The following SAMD3 variants were observed in gnomAD, a reference collection of about 807,000 sequenced individuals.
The protein encoded by SAMD3 is sterile alpha motif domain-containing protein 3.
Under a neutral mutation model 58.5 loss-of-function variants are expected in SAMD3, and 63 were observed. The observed-to-expected ratio is 1.08, with a 90% CI of 0.88 to 1.33. The LOEUF (loss-of-function observed/expected upper bound fraction) is 1.33, where lower values mean the gene tolerates loss of function less well. Among genes scored for constraint, SAMD3 ranks in the 40% most tolerant of loss-of-function variants. The pLI, the probability that SAMD3 is intolerant of heterozygous loss-of-function variation, is 0.00. For synonymous variants in SAMD3, 220 were observed against 210.3 expected (o/e 1.05, Z -0.40); for missense variants, 604 against 608.4 (o/e 0.99, Z 0.08).
At chr6:130,282,463 G>T (rs1775014175) in intron 2 of SAMD3, among the ~76,000 whole-genome samples, 1 of 152,178 alleles carries the variant, frequency 6.6e-6, no homozygotes, top group African/African-American at 2.4e-5. Context: ...ATGAGCTGTT[G>T]TGACTGCCCT....
intron 2 of SAMD3, among the ~76,000 whole-genome samples, chr6:130,287,649 A>G (rs1345805503): frequency 6.6e-6 from 1 of 152,142 alleles, no homozygotes; most frequent in Non-Finnish European, 1.5e-5. Context: ...TGCTGCAGCT[A>G]AGAGTTACAG....
chr6:130,196,922 G>A (rs1459079012), intron 5 of SAMD3, among the ~76,000 whole-genome samples: 1 of 152,184 alleles, frequency 6.6e-6, no homozygotes, highest in Non-Finnish European at 1.5e-5. Context: ...CCTCTCTACA[G>A]TCTGATAACA....
At chr6:130,322,820 G>C (rs943972540) in intron 1 of SAMD3, among the ~76,000 whole-genome samples, 1 of 152,184 alleles carries the variant, frequency 6.6e-6, no homozygotes, top group Non-Finnish European at 1.5e-5. Flanking sequence ...GAGTTTACTT[G>C]AATTAACAAT....
chr6:130,183,186 A>G (rs1435720702), intron 7 of SAMD3: 1 of 355,590 alleles, frequency 2.8e-6, no homozygotes, highest in East Asian at 7.5e-5. Context: ...CCTCAAATTA[A>G]TTCAATCTGA....
chr6:130,313,522 G>A (rs185795508), intron 1 of SAMD3, among the ~76,000 whole-genome samples: 1 of 152,320 alleles, frequency 6.6e-6, no homozygotes, highest in African/African-American at 2.4e-5. Flanking sequence ...TAAGCAATCT[G>A]GGAGACAAAA....
intron 2 of SAMD3, among the ~76,000 whole-genome samples, chr6:130,274,945 C>G (rs895257946): frequency 3.7e-4 from 56 of 152,094 alleles, no homozygotes; most frequent in African/African-American, 1.3e-3. Flanking sequence ...TCAGGTTAGT[C>G]CTTTTTTTGG....
intron 2 of SAMD3, among the ~76,000 whole-genome samples, chr6:130,233,794 T>TTAATTA (rs1349555581): frequency 6.6e-6 from 1 of 152,246 alleles, no homozygotes; most frequent in Non-Finnish European, 1.5e-5. Flanking sequence ...ATTAATCTTA[T>TTAATTA]GACACATTCT....
At chr6:130,154,778 G>A (rs751946791) in intron 9 of SAMD3, 47 bp downstream of exon 9, 14 of 873,414 alleles carry the variant, frequency 1.6e-5, no homozygotes, top group South Asian at 7.8e-5. Context: ...GTGTGTGTGT[G>A]TATATACATA....
intron 9 of SAMD3, among the ~76,000 whole-genome samples, chr6:130,152,312 A>AC (rs1789281648): frequency 6.6e-6 from 1 of 152,174 alleles, no homozygotes; most frequent in Non-Finnish European, 1.5e-5. Flanking sequence ...TATAAATTGG[A>AC]AATCCCAGCT....
At chr6:130,233,531 C>T (rs148807132) in intron 2 of SAMD3, among the ~76,000 whole-genome samples, 3 of 152,116 alleles carry the variant, frequency 2.0e-5, no homozygotes, top group Admixed American at 6.6e-5. Flanking sequence ...TCAAGGATCC[C>T]GAGCTGAACA....
In SAMD3 at chr6:130,196,390, A is replaced by G. The variant is rs1297027451; in HGVS notation, c.384-11767T>C. ...CCCAGACTTCAATCTGGCCTCCCACATTATTCCTGATACCACACCTGACCC... is the reference window on the plus strand; with the variant it reads ...CCCAGACTTCAATCTGGCCTCCCACGTTATTCCTGATACCACACCTGACCC... On this transcript the variant is annotated intron_variant, in intron 5 of 11. Coordinates refer to ENST00000439090, the MANE Select transcript of SAMD3 (RefSeq NM_001017373.4). Among the ~76,000 whole-genome samples, 3 of 152,186 alleles carry G rather than the reference A, an allele frequency of 2.0e-5. No individual in the cohort carries two copies. In the South Asian group the frequency reaches 6.2e-4, roughly 32 times the overall value.
intron 1 of SAMD3, among the ~76,000 whole-genome samples, chr6:130,353,056 T>A (rs1001569244): frequency 2.0e-5 from 3 of 152,230 alleles, no homozygotes; most frequent in African/African-American, 7.2e-5. Context: ...CTTGTTCACA[T>A]CTATTTCCTT....
Position 130,175,835 on chromosome 6 carries a change from T to C in SAMD3, c.822+6A>G. The C allele has an allele frequency of 1.9e-6, 3 of 1,591,470 alleles. No individual in the cohort carries two copies. Among genetic ancestry groups the C allele is most frequent in the Non-Finnish European group, 2.6e-6 (3 of 1,161,500 alleles). On this transcript the variant is annotated splice_donor_region_variant and intron_variant, in intron 8 of 11. Coordinates refer to ENST00000439090, the MANE Select transcript of SAMD3 (RefSeq NM_001017373.4). ...GTCATCAGAACATTTAGGAATTCAA[T>C]CTTACTTTTATCTGGACAAGTTTAA... is the stretch of plus-strand genomic sequence containing the variant.
At chr6:130,307,665 T>C (rs942569966) in intron 2 of SAMD3, among the ~76,000 whole-genome samples, 11 of 152,220 alleles carry the variant, frequency 7.2e-5, no homozygotes, top group African/African-American at 2.7e-4. Flanking sequence ...AGAATTTTAC[T>C]ACAGAATTAA....
intron 2 of SAMD3, among the ~76,000 whole-genome samples, chr6:130,236,470 G>A (rs1476717201): frequency 6.7e-6 from 1 of 148,216 alleles, no homozygotes; most frequent in Non-Finnish European, 1.5e-5. Context: ...TGCAACCCCC[G>A]CCTCCCGGGT....
chr6:130,177,164 AC>A (rs1392270159), intron 7 of SAMD3, among the ~76,000 whole-genome samples: 1 of 152,200 alleles, frequency 6.6e-6, no homozygotes, highest in Non-Finnish European at 1.5e-5. Context: ...TTTTGAGGTC[AC>A]GGGTAAGCTG....
At chr6:130,264,089 G>A (rs532235397) in intron 2 of SAMD3, among the ~76,000 whole-genome samples, 77 of 152,286 alleles carry the variant, frequency 5.1e-4, no homozygotes, top group Middle Eastern at 3.4e-3. Flanking sequence ...TTAAACAAAA[G>A]CAATTGTTAT....
At chr6:130,277,203 T>G (rs1196646492) in intron 2 of SAMD3, among the ~76,000 whole-genome samples, 3 of 152,248 alleles carry the variant, frequency 2.0e-5, no homozygotes, top group Admixed American at 2.0e-4. Context: ...ACCATAATCC[T>G]TATCTTGTGG....
Position 130,242,064 on chromosome 6 carries a change from G to A in SAMD3, c.-187-19251C>T, listed in dbSNP as rs990971792. ...CCTGACTCCTACCAAACATACTACC[G>A]CCACCAGCAGCAACAAAAAACAGTG... On this transcript the variant is annotated intron_variant, in intron 2 of 13. Transcript: ENST00000368134. 5.3e-5 allele frequency among the ~76,000 whole-genome samples: 8 copies of A among 152,170 alleles called. No individual in the cohort carries two copies. In the East Asian group the frequency reaches 5.8e-4, roughly 11 times the overall value.
Sources: allele counts gnomAD v4.1 joint callset (sites outside exome capture counted in the v4.1 genomes callset), GRCh38; gene constraint gnomAD v4.1.1; transcripts MANE v1.5; gene names NCBI Gene and HGNC (gene_info 2026-07-23, HGNC 2026-07-21).